ARHGEF3: variants seen among roughly 807,000 people sequenced by gnomAD.
The protein encoded by ARHGEF3 is Rho guanine nucleotide exchange factor 3.
Under a neutral mutation model 63.2 loss-of-function variants are expected in ARHGEF3, and 28 were observed. The ratio of observed to expected loss-of-function variants is 0.44; its 90% CI spans 0.33 to 0.61. The LOEUF is 0.61. ARHGEF3 is among the 20% of genes least tolerant of loss of function. The pLI is 0.03. For missense variants in ARHGEF3, 533 were observed against 659.3 expected, an observed-to-expected ratio of 0.81 and a Z score of 2.10; for synonymous variants, 266 against 254.2, an observed-to-expected ratio of 1.05 and a Z score of -0.44.
At chr3:57,033,416 T>TAAA (rs1486681003) in intron 2 of ARHGEF3, among the ~76,000 whole-genome samples, 38 of 72,192 alleles carry the variant, frequency 5.3e-4, no homozygotes, top group African/African-American at 1.5e-3. Flanking sequence ...TTGGCTGCAG[T>TAAA]AAAAAAAAAA....
intron 3 of ARHGEF3, among the ~76,000 whole-genome samples, chr3:56,951,706 A>C (rs540746013): frequency 6.6e-6 from 1 of 152,160 alleles, no homozygotes; most frequent in Admixed American, 6.5e-5. Context: ...ATTCTGATCC[A>C]TTAACTGTTT....
intron 3 of ARHGEF3, among the ~76,000 whole-genome samples, chr3:56,952,908 T>C (rs1343862690): frequency 6.6e-6 from 1 of 152,228 alleles, no homozygotes; most frequent in Admixed American, 6.5e-5. Context: ...CAAGTAGGTG[T>C]CATCAGCCTT....
intron 3 of ARHGEF3, among the ~76,000 whole-genome samples, chr3:56,950,354 T>C (rs1450894456): frequency 6.6e-6 from 1 of 151,976 alleles, no homozygotes; most frequent in Non-Finnish European, 1.5e-5. Context: ...ACCTACAGAA[T>C]GGCAGAAAAT....
At chr3:57,074,565 A>C in intron 1 of ARHGEF3, 3 of 337,188 alleles carry the variant, frequency 8.9e-6, no homozygotes, top group Non-Finnish European at 1.1e-5. Flanking sequence ...CAATTGATCA[A>C]TCAATCGATC....
At chr3:56,745,548 A>G in intron 6 of ARHGEF3, 86 bp from the exon 7 acceptor site, 1 of 1,475,238 alleles carries the variant, frequency 6.8e-7, no homozygotes, top group South Asian at 1.3e-5. Context: ...GGGACTGAAC[A>G]AACACCTAAC....
chr3:56,918,412 C>T lies in ARHGEF3; in HGVS notation c.130-36058G>A, dbSNP rs557464787. Among the ~76,000 whole-genome samples, 4 of 152,340 alleles carry T rather than the reference C, an allele frequency of 2.6e-5. No individual in the cohort carries two copies. In the East Asian group the frequency reaches 5.8e-4, roughly 22 times the overall value. On this transcript the variant is annotated intron_variant, in intron 3 of 12. Transcript: ENST00000338458. ...TGAACAAATCCTAGAATGATTCAACCTAACTTCCGGCTGCTGACTGAATGG... is the reference window on the plus strand; with the variant it reads ...TGAACAAATCCTAGAATGATTCAACTTAACTTCCGGCTGCTGACTGAATGG...
chr3:56,913,322 C>T (rs2041903051), intron 3 of ARHGEF3, among the ~76,000 whole-genome samples: 1 of 151,850 alleles, frequency 6.6e-6, no homozygotes, highest in African/African-American at 2.4e-5. Flanking sequence ...AAATAAGCAA[C>T]CCAATTCGAA....
chr3:56,797,714 C>T (rs1578542873), intron 1 of ARHGEF3, among the ~76,000 whole-genome samples: 1 of 152,188 alleles, frequency 6.6e-6, no homozygotes, highest in Non-Finnish European at 1.5e-5. Flanking sequence ...AGGCATAAAT[C>T]GTGGCAGGAG....
intron 2 of ARHGEF3, among the ~76,000 whole-genome samples, chr3:57,034,813 T>C (rs1227444239): frequency 6.6e-6 from 1 of 151,866 alleles, no homozygotes; most frequent in African/African-American, 2.4e-5. Context: ...CACATCACCA[T>C]GCCTGGCTAA....
At chr3:57,017,481 G>GT (rs1209401370) in intron 2 of ARHGEF3, among the ~76,000 whole-genome samples, 1 of 152,128 alleles carries the variant, frequency 6.6e-6, no homozygotes, top group Non-Finnish European at 1.5e-5. Context: ...TAAAAGGAGC[G>GT]TTTTTCAAAA....
intron 1 of ARHGEF3, among the ~76,000 whole-genome samples, chr3:57,050,806 C>T (rs187347731): frequency 6.6e-6 from 1 of 152,304 alleles, no homozygotes; most frequent in Non-Finnish European, 1.5e-5. Flanking sequence ...GAACTGTGCT[C>T]ATCTCTTTGA....
chr3:57,029,157 G>A (rs6793935), intron 2 of ARHGEF3, among the ~76,000 whole-genome samples: 60,399 of 152,000 alleles, frequency 0.4, 12,829 homozygotes, highest in Non-Finnish European at 0.47. Context: ...TGGGCCGGGC[G>A]TGGTGGCTCA....
intron 4 of ARHGEF3, among the ~76,000 whole-genome samples, chr3:56,825,955 C>T (rs1385960758): frequency 6.6e-6 from 1 of 152,176 alleles, no homozygotes; most frequent in Non-Finnish European, 1.5e-5. Context: ...GCAACCCTTC[C>T]TTCTAGTAAC....
chr3:56,853,186 T>C (rs2039737395), intron 4 of ARHGEF3, among the ~76,000 whole-genome samples: 1 of 149,500 alleles, frequency 6.7e-6, no homozygotes, highest in East Asian at 1.9e-4. Flanking sequence ...GGACATGCAT[T>C]GTTAAAGAAA....
chr3:56,829,890 C>G (rs776059988), intron 4 of ARHGEF3, among the ~76,000 whole-genome samples: 6 of 152,192 alleles, frequency 3.9e-5, no homozygotes, highest in Non-Finnish European at 7.3e-5. Flanking sequence ...TAGCAAAGTT[C>G]ACCAACTCTC....
At chr3:56,784,452 A>T (rs1313165537) in intron 1 of ARHGEF3, among the ~76,000 whole-genome samples, 1 of 152,196 alleles carries the variant, frequency 6.6e-6, no homozygotes, top group Non-Finnish European at 1.5e-5. Flanking sequence ...AGGCACCCAG[A>T]GGTAGAAAAG....
intron 1 of ARHGEF3, among the ~76,000 whole-genome samples, chr3:56,795,655 C>CTCTCTTTTTTTTTT (rs57400467): frequency 7.7e-6 from 1 of 130,544 alleles, no homozygotes; most frequent in African/African-American, 2.9e-5. Flanking sequence ...GTCTCTCTCT[C>CTCTCTTTTTTTTTT]TTTTTTTTTT....
intron 3 of ARHGEF3, among the ~76,000 whole-genome samples, chr3:56,919,695 C>T (rs144556267): frequency 3.7e-4 from 57 of 152,290 alleles, no homozygotes; most frequent in African/African-American, 8.7e-4. Context: ...GAAACCACAG[C>T]GACTAAGGAT....
At chr3:57,059,189 C>CT (rs910508800) in intron 1 of ARHGEF3, among the ~76,000 whole-genome samples, 4 of 151,884 alleles carry the variant, frequency 2.6e-5, no homozygotes, top group Admixed American at 6.6e-5. Context: ...TTAACTATGC[C>CT]TTTTTTTACT....
Sources: gnomAD v4.1 joint callset for allele counts (sites outside exome capture counted in the v4.1 genomes callset) on GRCh38, gnomAD v4.1.1 for gene constraint, MANE v1.5 for transcripts, NCBI Gene and HGNC (gene_info 2026-07-23, HGNC 2026-07-21) for gene names.